The following PPM1L variants were observed in gnomAD, a reference collection of about 807,000 sequenced individuals.
PPM1L encodes protein phosphatase, Mg2+/Mn2+ dependent 1L.
Under a neutral mutation model 31.4 loss-of-function variants are expected in PPM1L, and 13 were observed. The observed-to-expected ratio is 0.41, with a 90% CI of 0.27 to 0.66. The LOEUF (loss-of-function observed/expected upper bound fraction) is 0.66, where lower values mean the gene tolerates loss of function less well. Among genes scored for constraint, PPM1L ranks in the 30% least tolerant of loss-of-function variants. The pLI is 0.29. For missense variants in PPM1L, 326 were observed against 453.7 expected (o/e 0.72, Z 2.56); for synonymous variants, 184 against 175.4 (o/e 1.05, Z -0.39).
intron 1 of PPM1L, among the ~76,000 whole-genome samples, chr3:160,875,919 A>G (rs1712492217): frequency 6.6e-6 from 1 of 152,198 alleles, no homozygotes; most frequent in Non-Finnish European, 1.5e-5. Context: ...TTGACATTCA[A>G]TGTAATACAC....
At chr3:160,808,416 T>TGCATGCGTGC (rs1188215524) in intron 1 of PPM1L, among the ~76,000 whole-genome samples, 2 of 129,276 alleles carry the variant, frequency 1.5e-5, no homozygotes, top group Non-Finnish European at 3.3e-5. Flanking sequence ...TGTGTGTGTG[T>TGCATGCGTGC]GTGTGTGGTG....
At chr3:160,942,165 T>C (rs1273098205) in intron 1 of PPM1L, among the ~76,000 whole-genome samples, 3 of 152,250 alleles carry the variant, frequency 2.0e-5, no homozygotes, top group Non-Finnish European at 4.4e-5. Context: ...TACTGCTCAT[T>C]AATATGGAAG....
intron 2 of PPM1L, among the ~76,000 whole-genome samples, chr3:161,032,727 C>G (rs568478152): frequency 6.7e-6 from 1 of 149,788 alleles, no homozygotes; most frequent in Non-Finnish European, 1.5e-5. Context: ...GAGTCTTACT[C>G]TATAGCCCAA....
chr3:160,757,664 G>A lies in PPM1L; in HGVS notation c.399+957G>A, dbSNP rs560760585. Among the ~76,000 whole-genome samples, 4 of 152,206 alleles carry A rather than the reference G, an allele frequency of 2.6e-5. No homozygotes were observed. In the South Asian group the frequency reaches 8.3e-4, roughly 31 times the overall value. ...AGCGCCATGCTCCAAAGAACACTGG[G>A]CCAATCACCCCATCTCTCAAATTGG... On this transcript the variant is annotated intron_variant, in intron 1 of 3. Coordinates refer to ENST00000498165, the MANE Select transcript of PPM1L (RefSeq NM_139245.4).
At chr3:160,803,187 C>T (rs1175826630) in intron 1 of PPM1L, among the ~76,000 whole-genome samples, 4 of 152,192 alleles carry the variant, frequency 2.6e-5, no homozygotes, top group Admixed American at 1.3e-4. Context: ...TTCTCCCCTC[C>T]CCCGAAAGTA....
intron 1 of PPM1L, among the ~76,000 whole-genome samples, chr3:160,925,656 A>G (rs765391798): frequency 6.6e-6 from 1 of 152,192 alleles, no homozygotes; most frequent in Non-Finnish European, 1.5e-5. Flanking sequence ...ATATGTTTTG[A>G]GAATACCTTA....
At chr3:160,941,743 C>T (rs1715170227) in intron 1 of PPM1L, among the ~76,000 whole-genome samples, 1 of 152,182 alleles carries the variant, frequency 6.6e-6, no homozygotes, top group Non-Finnish European at 1.5e-5. Flanking sequence ...TGAGGCTTCT[C>T]AATTAGAGAA....
chr3:160,929,158 G>A (rs796978051), intron 1 of PPM1L, among the ~76,000 whole-genome samples: 58 of 152,168 alleles, frequency 3.8e-4, no homozygotes, highest in African/African-American at 1.4e-3. Flanking sequence ...TAACCAGAAA[G>A]CATTTTTATT....
chr3:160,993,326 T>C (rs1365175572), intron 2 of PPM1L, among the ~76,000 whole-genome samples: 1 of 152,168 alleles, frequency 6.6e-6, no homozygotes, highest in Non-Finnish European at 1.5e-5. Flanking sequence ...AGCATCACTT[T>C]CTAATCTAGA....
At chr3:160,868,779 T>C (rs1411196365) in intron 1 of PPM1L, among the ~76,000 whole-genome samples, 1 of 152,190 alleles carries the variant, frequency 6.6e-6, no homozygotes, top group Non-Finnish European at 1.5e-5. Flanking sequence ...ACACTTAATC[T>C]TTGAATTGAA....
chr3:160,837,765 A>T (rs1560121469), intron 1 of PPM1L, among the ~76,000 whole-genome samples: 1 of 152,168 alleles, frequency 6.6e-6, no homozygotes, highest in African/African-American at 2.4e-5. Context: ...CATGTTTAAG[A>T]GTAAGAGAAG....
intron 1 of PPM1L, among the ~76,000 whole-genome samples, chr3:160,771,213 G>A (rs1203990485): frequency 6.6e-6 from 1 of 151,886 alleles, no homozygotes; most frequent in Non-Finnish European, 1.5e-5. Flanking sequence ...AATAGAATAA[G>A]TAATTAAATA....
At chr3:160,763,096 C>T (rs980615787) in intron 1 of PPM1L, among the ~76,000 whole-genome samples, 1 of 152,184 alleles carries the variant, frequency 6.6e-6, no homozygotes, top group Non-Finnish European at 1.5e-5. Flanking sequence ...CTCTGGTTGT[C>T]TCTAGAGTTC....
intron 1 of PPM1L, among the ~76,000 whole-genome samples, chr3:160,802,386 T>G: frequency 6.6e-6 from 1 of 152,174 alleles, no homozygotes; most frequent in East Asian, 1.9e-4. Context: ...ACAATCCGGC[T>G]TGGAACTGAG....
intron 1 of PPM1L, among the ~76,000 whole-genome samples, chr3:160,759,717 TGGTA>T (rs576625700): frequency 1.6e-3 from 241 of 152,202 alleles, no homozygotes; most frequent in Admixed American, 4.0e-3. Context: ...TAAATCAGAC[TGGTA>T]GGTAGGAAGG....
chr3:161,054,209 A>C (rs889661575), intron 2 of PPM1L, among the ~76,000 whole-genome samples: 2 of 152,034 alleles, frequency 1.3e-5, no homozygotes, highest in Non-Finnish European at 1.5e-5. Flanking sequence ...TGATGGAAGA[A>C]GGCCTTGGTG....
intron 2 of PPM1L, among the ~76,000 whole-genome samples, chr3:160,996,215 A>G (rs1022751876): frequency 6.6e-6 from 1 of 152,222 alleles, no homozygotes; most frequent in African/African-American, 2.4e-5. Flanking sequence ...TACAACCACT[A>G]TGGAAAACAG....
intron 2 of PPM1L, among the ~76,000 whole-genome samples, chr3:161,061,980 C>G (rs1236087405): frequency 6.6e-6 from 1 of 152,194 alleles, no homozygotes; most frequent in Admixed American, 6.5e-5. Flanking sequence ...GACTCAGGCT[C>G]TACTGTTTAC....
At chr3:160,757,989 A>G (rs1288443772) in intron 1 of PPM1L, among the ~76,000 whole-genome samples, 1 of 152,202 alleles carries the variant, frequency 6.6e-6, no homozygotes, top group African/African-American at 2.4e-5. Context: ...TAATCTTTTC[A>G]TGCTACTGTG....
Sources: gnomAD v4.1 joint callset for allele counts (sites outside exome capture counted in the v4.1 genomes callset) on GRCh38, gnomAD v4.1.1 for gene constraint, MANE v1.5 for transcripts, NCBI Gene and HGNC (gene_info 2026-07-23, HGNC 2026-07-21) for gene names.